Variants in CDH26 observed in about 807,000 individuals in gnomAD.
The protein encoded by CDH26 is cadherin-like protein 26.
In CDH26, 83 loss-of-function variants were observed where a neutral mutation model predicts 90.3. The observed-to-expected ratio is 0.92, with a 90% CI of 0.77 to 1.10. CDH26 has a LOEUF of 1.10. Among genes scored for constraint, CDH26 ranks in the 50% least tolerant of loss-of-function variants. The pLI, the probability that CDH26 is intolerant of heterozygous loss-of-function variation, is 0.00. For synonymous variants in CDH26, 397 were observed against 396.3 expected (o/e 1.00, Z -0.02); for missense variants, 1,013 against 1,037.6 (o/e 0.98, Z 0.33).
intron 9 of CDH26, among the ~76,000 whole-genome samples, chr20:59,991,257 G>A (rs1393623601): frequency 6.6e-6 from 1 of 152,130 alleles, no homozygotes; most frequent in Non-Finnish European, 1.5e-5. Flanking sequence ...AGGATGGTTG[G>A]CTCATACTTA....
intron 9 of CDH26, among the ~76,000 whole-genome samples, chr20:59,991,068 C>T (rs1199286193): frequency 2.0e-5 from 3 of 151,956 alleles, no homozygotes; most frequent in Non-Finnish European, 2.9e-5. Flanking sequence ...CGGGGTTTTG[C>T]CATGTTGGCC....
chr20:60,002,359 AAC>A (rs2061688324), intron 15 of CDH26, among the ~76,000 whole-genome samples: 2 of 149,678 alleles, frequency 1.3e-5, no homozygotes, highest in Admixed American at 1.3e-4. Flanking sequence ...ATGGACATGG[AAC>A]ACCCACCATG....
In CDH26 at chr20:59,985,769, T is replaced by C. The variant is rs1186453880; in HGVS notation, c.837+640T>C. Among the ~76,000 whole-genome samples, 5 of 152,348 alleles carry C rather than the reference T, an allele frequency of 3.3e-5. No individual in the cohort carries two copies. The South Asian group carries it at 6.2e-4, about 19-fold the overall frequency. On this transcript the variant is annotated intron_variant, in intron 7 of 17. Transcript: ENST00000348616. ...AGCAGTTCATAATGGTCACATGAGC[T>C]TACATTTTTGACTGCTGTATGCCAG... is the stretch of plus-strand genomic sequence containing the variant.
At chr20:59,962,240 A>G (rs1221637468) in intron 1 of CDH26, among the ~76,000 whole-genome samples, 3 of 152,348 alleles carry the variant, frequency 2.0e-5, no homozygotes, top group South Asian at 4.1e-4. Flanking sequence ...AGGAACATAT[A>G]TTAGTGTCCT....
chr20:59,967,209 G>C (rs985063669), intron 1 of CDH26, among the ~76,000 whole-genome samples: 2 of 152,130 alleles, frequency 1.3e-5, no homozygotes, highest in African/African-American at 4.8e-5. Context: ...GGGTACACAG[G>C]AAGTTTCAAT....
chr20:59,967,748 TCCCTTC>T (rs1208692671), intron 1 of CDH26, among the ~76,000 whole-genome samples: 21 of 148,284 alleles, frequency 1.4e-4, no homozygotes, highest in Non-Finnish European at 2.1e-4. Flanking sequence ...CTTCCTCCCT[TCCCTTC>T]CCCTTCCCCT....
exon 8 of CDH26, chr20:60,031,278 C>T (rs1601235162): frequency 6.3e-6 from 8 of 1,276,826 alleles, no homozygotes; most frequent in Non-Finnish European, 7.2e-6. Flanking sequence ...GCATCATCCC[C>T]CAGGGAAGAG....
chr20:59,960,846 C>G (rs1601071129), intron 1 of CDH26, among the ~76,000 whole-genome samples: 1 of 152,186 alleles, frequency 6.6e-6, no homozygotes, highest in Non-Finnish European at 1.5e-5. Flanking sequence ...ACGACCCAGC[C>G]GTTTTTCTAA....
intron 17 of CDH26, among the ~76,000 whole-genome samples, chr20:60,010,374 C>T (rs1413444380): frequency 1.3e-5 from 2 of 152,174 alleles, no homozygotes; most frequent in African/African-American, 4.8e-5. Context: ...GAATTACTAT[C>T]AGCAGTGACG....
Position 59,987,458 on chromosome 20 carries a change from G to A in CDH26, c.843G>A (p.Lys281=). The A allele has an allele frequency of 6.2e-7, 1 of 1,609,056 alleles. No individual in the cohort carries two copies. The highest frequency in any genetic ancestry group is 8.5e-7 in the Non-Finnish European group (1 of 1,177,964). Reference sequence around the variant, plus strand: ...ATGATGATTGCTTCTTTCAGTATAAGGTTCAGATTCCTGAAGGCCGAGCCA... The same window carrying A: ...ATGATGATTGCTTCTTTCAGTATAAAGTTCAGATTCCTGAAGGCCGAGCCA... The part of the protein sequence containing the change: ...HRPAFTQENY[K]VQIPEGRASQ... Residue 281 remains lysine, a synonymous_variant, in exon 8 of 18, where the codon AAG becomes AAA. Transcript: ENST00000348616.
At chr20:59,997,189 G>A (rs577360388) in intron 13 of CDH26, among the ~76,000 whole-genome samples, 23 of 152,348 alleles carry the variant, frequency 1.5e-4, no homozygotes, top group South Asian at 4.1e-4. Context: ...TTAAGTAGAC[G>A]TTCCCTAAAT....
rs1415748920 is a variant in CDH26 at position 59,984,822 on chromosome 20, TA to T, written c.708+18del. On this transcript the variant is annotated intron_variant, in intron 6 of 17. Transcript: ENST00000348616. ...GATTATGAGGTTATGTGGATTTTAT[TA>T]TTTTTTTTAAATGAAATGTGTGGCC... 2 of 1,592,340 alleles carry T rather than the reference TA, an allele frequency of 1.3e-6. No homozygotes were observed. The highest frequency in any genetic ancestry group is 1.8e-5 in the Admixed American group (1 of 54,658).
chr20:60,006,454 C>T (rs113417771), intron 16 of CDH26, among the ~76,000 whole-genome samples: 2,389 of 152,288 alleles, frequency 0.016, 22 homozygotes, highest in South Asian at 0.039. Context: ...CCTGGCCGGG[C>T]TCACTTGGGT....
chr20:59,967,843 TTC>T (rs778378200), intron 1 of CDH26, among the ~76,000 whole-genome samples: 31 of 98,594 alleles, frequency 3.1e-4, no homozygotes, highest in Non-Finnish European at 4.5e-4. Context: ...CTTTCTTTCT[TTC>T]TTTCTTTCTT....
chr20:59,983,975 T>A (rs1474606325), intron 5 of CDH26, among the ~76,000 whole-genome samples: 1 of 152,254 alleles, frequency 6.6e-6, no homozygotes, highest in Non-Finnish European at 1.5e-5. Context: ...TGCCACTTTC[T>A]GTTATTTTCA....
intron 12 of CDH26, chr20:59,996,289 A>G: frequency 7.9e-7 from 1 of 1,267,086 alleles, no homozygotes; most frequent in East Asian, 2.5e-5. Flanking sequence ...CCACTGGTAA[A>G]TATAGTCAAG....
At chr20:60,032,021 A>G (rs1463850134) in intron 8 of CDH26, among the ~76,000 whole-genome samples, 6 of 152,246 alleles carry the variant, frequency 3.9e-5, no homozygotes, top group Non-Finnish European at 8.8e-5. Flanking sequence ...GCCTAAGAAT[A>G]GTAAAGAAAA....
intron 7 of CDH26, among the ~76,000 whole-genome samples, chr20:60,028,897 G>A (rs1485354173): frequency 3.9e-5 from 6 of 152,298 alleles, no homozygotes; most frequent in Middle Eastern, 3.4e-3. Flanking sequence ...TCGCTGCAGC[G>A]TTATTCACGG....
At chr20:59,967,913 C>CTTT in intron 1 of CDH26, among the ~76,000 whole-genome samples, 2 of 130,022 alleles carry the variant, frequency 1.5e-5, no homozygotes, top group African/African-American at 6.8e-5. Flanking sequence ...TCCTTCCTTT[C>CTTT]CTTTCCTTTC....
Sources: allele counts gnomAD v4.1 joint callset (sites outside exome capture counted in the v4.1 genomes callset), GRCh38; gene constraint gnomAD v4.1.1; transcripts MANE v1.5; gene names NCBI Gene and HGNC (gene_info 2026-07-23, HGNC 2026-07-21).